The following DNAH9 variants were observed in gnomAD, a reference collection of about 807,000 sequenced individuals.
DNAH9 encodes dynein axonemal heavy chain 9.
Under a neutral mutation model 471.6 loss-of-function variants are expected in DNAH9, and 345 were observed. The ratio of observed to expected loss-of-function variants is 0.73; its 90% CI spans 0.67 to 0.80. The LOEUF (loss-of-function observed/expected upper bound fraction) is 0.80. Ranked by LOEUF, DNAH9 falls within the 30% of genes least tolerant of loss-of-function variation. The pLI is 0.00. For missense variants in DNAH9, 5,407 were observed against 5,609.2 expected (o/e 0.96, Z 1.15); for synonymous variants, 2,093 against 2,123.6 (o/e 0.99, Z 0.40).
At chr17:11,811,058 A>G (rs1969880568) in intron 45 of DNAH9, among the ~76,000 whole-genome samples, 3 of 152,242 alleles carry the variant, frequency 2.0e-5, no homozygotes, top group Non-Finnish European at 2.9e-5. Context: ...CACGTCTGTA[A>G]TCCCAGCACT....
chr17:11,838,820 G>A (rs2150957052), intron 49 of DNAH9, among the ~76,000 whole-genome samples: 1 of 152,256 alleles, frequency 6.6e-6, no homozygotes, highest in East Asian at 1.9e-4. Flanking sequence ...GACGAATATT[G>A]CTCCATGAGC....
At chr17:11,654,729 C>A (rs2150706950) in intron 14 of DNAH9, among the ~76,000 whole-genome samples, 1 of 151,998 alleles carries the variant, frequency 6.6e-6, no homozygotes, top group African/African-American at 2.4e-5. Flanking sequence ...CATACAGTGC[C>A]AGGCACTGTC....
chr17:11,959,554 C>T (rs1975903498), intron 67 of DNAH9, among the ~76,000 whole-genome samples: 1 of 152,196 alleles, frequency 6.6e-6, no homozygotes, highest in Admixed American at 6.5e-5. Context: ...AGCCTGTGTA[C>T]ACTAAAGCAG....
chr17:11,821,860 T>C, intron 45 of DNAH9, 60 bp from the exon 46 acceptor site: 1 of 1,561,616 alleles, frequency 6.4e-7, no homozygotes, highest in Non-Finnish European at 8.7e-7. Context: ...ACTTCCCATG[T>C]CTGATTGCAT....
At chr17:11,620,788 C>T (rs2072842007) in intron 6 of DNAH9, among the ~76,000 whole-genome samples, 1 of 152,114 alleles carries the variant, frequency 6.6e-6, no homozygotes, top group Non-Finnish European at 1.5e-5. Flanking sequence ...TTGAACTTCT[C>T]CTCCTCCACT....
At position 11,898,299 on chromosome 17, in the gene DNAH9, A is replaced by G. The variant is rs562130525; in HGVS notation, c.11406+3803A>G. Among the ~76,000 whole-genome samples, 6 of 151,974 alleles carry G rather than the reference A, an allele frequency of 3.9e-5. No homozygotes were observed. In the South Asian group the frequency reaches 1.2e-3, roughly 32 times the overall value. ...GCCACCACACCCAGAAAATTTTTGT[A>G]TTTTTAGTAGAGATAGTTTCACCAT... On this transcript the variant is annotated intron_variant, in intron 59 of 68. Transcript: ENST00000262442.
Position 11,829,640 on chromosome 17 carries a change from T to G in DNAH9, c.9247-4998T>G, listed in dbSNP as rs1970620541. Among the ~76,000 whole-genome samples, 3 of 151,996 alleles carry G rather than the reference T, an allele frequency of 2.0e-5. No homozygotes were observed. In the South Asian group the frequency reaches 6.3e-4, roughly 32 times the overall value. On this transcript the variant is annotated intron_variant, in intron 48 of 68. Transcript: ENST00000262442. ...GTGCGTGCCACCGTGCCCAGCTAAT[T>G]TTTGTATTTTTAGTAGAGATGGGGG... is the stretch of plus-strand genomic sequence containing the variant.
chr17:11,660,472 G>A (rs1028951109), intron 14 of DNAH9, among the ~76,000 whole-genome samples: 1 of 151,900 alleles, frequency 6.6e-6, no homozygotes, highest in Non-Finnish European at 1.5e-5. Context: ...ATAGGGATGT[G>A]CCACCATACC....
chr17:11,873,664 A>G (rs1019043407), intron 52 of DNAH9, among the ~76,000 whole-genome samples: 5 of 152,132 alleles, frequency 3.3e-5, no homozygotes, highest in Non-Finnish European at 7.3e-5. Context: ...ATATTGTAGG[A>G]TTCATTTATA....
chr17:11,735,062 A>G (rs1370300298), intron 28 of DNAH9, among the ~76,000 whole-genome samples: 2 of 152,176 alleles, frequency 1.3e-5, no homozygotes, highest in African/African-American at 4.8e-5. Flanking sequence ...AAGAATTTGC[A>G]TGGGAATTGG....
chr17:11,718,508 T>C (rs773851083), intron 26 of DNAH9, among the ~76,000 whole-genome samples: 3 of 152,262 alleles, frequency 2.0e-5, no homozygotes, highest in African/African-American at 4.8e-5. Flanking sequence ...TATGCTTTAT[T>C]ACTTTTTAAG....
intron 65 of DNAH9, among the ~76,000 whole-genome samples, chr17:11,935,026 C>T (rs903152221): frequency 3.3e-5 from 5 of 152,032 alleles, no homozygotes; most frequent in East Asian, 1.9e-4. Flanking sequence ...TACAGTGGTG[C>T]GATCTTGGCT....
rs764141459 is a variant in DNAH9, at chr17:11,923,819, A to G, written c.11755A>G (p.Lys3919Glu). Residue 3919 changes from lysine (K) to glutamate (E), a missense_variant, in exon 62 of 69, where the codon AAA becomes GAA. By Grantham distance (56) the Lys-to-Glu change is moderately conservative. Coordinates refer to ENST00000262442, the MANE Select transcript of DNAH9 (RefSeq NM_001372.4). ...PLKDVESQGR[K>E]LGYTFNNQNF... ...CGCCTCCATCCTCCTTTTAGGAAGA[A>G]AACTTGGATACACCTTCAACAATCA... 3 of 1,613,832 alleles carry G rather than the reference A, an allele frequency of 1.9e-6. No homozygotes were observed. Among genetic ancestry groups the G allele is most frequent in the Non-Finnish European group, 2.5e-6 (3 of 1,179,854 alleles).
In DNAH9 at chr17:11,660,580, C is replaced by T. The variant is rs558728811; in HGVS notation, c.2596-4253C>T. 4.6e-5 allele frequency among the ~76,000 whole-genome samples: 7 copies of T among 152,248 alleles called. 1 individual carries two copies. The South Asian group carries it at 1.5e-3, about 32-fold the overall frequency. Reference sequence around the variant, plus strand: ...TCAAATGATCCACCTGCCTTGACCTCTCAAACTGCTGGGATTACAGGTGTG... The same window carrying T: ...TCAAATGATCCACCTGCCTTGACCTTTCAAACTGCTGGGATTACAGGTGTG... On this transcript the variant is annotated intron_variant, in intron 14 of 68. Transcript: ENST00000262442.
Position 11,623,263 on chromosome 17 carries a change from C to T in DNAH9, c.1350+3482C>T, listed in dbSNP as rs577524637. Among the ~76,000 whole-genome samples, 4 of 152,180 alleles carry T rather than the reference C, an allele frequency of 2.6e-5. No individual in the cohort carries two copies. Among genetic ancestry groups the T allele is most frequent in the East Asian group, 1.9e-4 (1 of 5,154 alleles). ...TGCTGGGATTACAGGTGTGAGCCAC[C>T]GTGCCCGGCCAGCATTTCTTTTCTT... On this transcript the variant is annotated intron_variant, in intron 6 of 68. Coordinates refer to ENST00000262442, the MANE Select transcript of DNAH9 (RefSeq NM_001372.4). This position sits in a 1 kb window ranked among gnomAD's most constrained non-coding sequence, Gnocchi z 4.1.
Position 11,741,297 on chromosome 17 carries a change from GA to G in DNAH9, c.5973-871del, listed in dbSNP as rs551390506. 6.6e-3 allele frequency among the ~76,000 whole-genome samples: 1,011 copies of G among 152,050 alleles called. 13 individuals carry two copies. Among genetic ancestry groups the G allele is most frequent in the Non-Finnish European group, 6.6e-3 (447 of 67,952 alleles). ...AAATCAGATGTTTTTAGTGCCAGAGGAAAAAAATACAACAAAGCCTTCTATA... is the reference window on the plus strand; with the variant it reads ...AAATCAGATGTTTTTAGTGCCAGAGGAAAAAATACAACAAAGCCTTCTATA... On this transcript the variant is annotated intron_variant, in intron 29 of 68. Transcript: ENST00000262442.
chr17:11,727,047 C>CAAAAAAAAAAAAAAAAAAAAAAA (rs55659834), intron 27 of DNAH9, among the ~76,000 whole-genome samples: 1 of 68,464 alleles, frequency 1.5e-5, no homozygotes, highest in African/African-American at 6.4e-5. Context: ...GACTCCGTCT[C>CAAAAAAAAAAAAAAAAAAAAAAA]AAAAAAAAAA....
intron 28 of DNAH9, among the ~76,000 whole-genome samples, chr17:11,732,144 T>C (rs1451345821): frequency 6.6e-6 from 1 of 152,246 alleles, no homozygotes; most frequent in Non-Finnish European, 1.5e-5. Context: ...AGATAGACAC[T>C]GAATTTGCTT....
At chr17:11,777,165 G>A (rs1369611883) in intron 38 of DNAH9, among the ~76,000 whole-genome samples, 1 of 152,160 alleles carries the variant, frequency 6.6e-6, no homozygotes, top group Non-Finnish European at 1.5e-5. Context: ...CTCTGTACCA[G>A]TAACTTGAGT....
Sources: gnomAD v4.1 joint callset for allele counts (sites outside exome capture counted in the v4.1 genomes callset) on GRCh38, gnomAD v4.1.1 for gene constraint, Gnocchi (gnomAD v3.1) non-coding constraint, MANE v1.5 for transcripts, NCBI Gene and HGNC (gene_info 2026-07-23, HGNC 2026-07-21) for gene names.